Variants in FHIP1A observed in about 807,000 individuals in gnomAD.
FHIP1A encodes FHF complex subunit HOOK-interacting protein 1A.
A neutral mutation model predicts 88.6 loss-of-function variants in FHIP1A; 61 were observed. The observed-to-expected ratio is 0.69, with a 90% CI of 0.56 to 0.85. The LOEUF (loss-of-function observed/expected upper bound fraction) is 0.85. Ranked by LOEUF, FHIP1A falls within the 40% of genes least tolerant of loss-of-function variation. FHIP1A has a pLI of 0.00. For synonymous variants in FHIP1A, 478 were observed against 496.0 expected (o/e 0.96, Z 0.48); for missense variants, 1,154 against 1,273.5 (o/e 0.91, Z 1.43).
chr4:151,495,635 T>C (rs1730433620), intron 3 of FHIP1A, among the ~76,000 whole-genome samples: 1 of 150,430 alleles, frequency 6.6e-6, no homozygotes, highest in South Asian at 2.1e-4. Context: ...CTTTTTTTTT[T>C]TTTTTGAGAT....
intron 3 of FHIP1A, among the ~76,000 whole-genome samples, chr4:151,512,953 G>T (rs1033170107): frequency 2.5e-4 from 38 of 152,196 alleles, no homozygotes; most frequent in Non-Finnish European, 4.9e-4. Flanking sequence ...TACAGAGAAC[G>T]CCACAAAGAT....
intron 4 of FHIP1A, among the ~76,000 whole-genome samples, chr4:151,568,062 G>A (rs940927653): frequency 1.3e-5 from 2 of 152,172 alleles, no homozygotes; most frequent in African/African-American, 4.8e-5. Flanking sequence ...TGGGTCATCT[G>A]CCCTGTCAGA....
intron 3 of FHIP1A, among the ~76,000 whole-genome samples, chr4:151,538,348 A>C (rs533656954): frequency 6.6e-6 from 1 of 152,322 alleles, no homozygotes; most frequent in African/African-American, 2.4e-5. Flanking sequence ...TGCTTGGTAT[A>C]GGGCCTGGTA....
chr4:151,471,181 CATA>C (rs1240768228), intron 2 of FHIP1A, among the ~76,000 whole-genome samples: 1 of 151,930 alleles, frequency 6.6e-6, no homozygotes, highest in East Asian at 1.9e-4. Context: ...TTCTTGGAAA[CATA>C]ATAGATTCAA....
At chr4:151,604,221 A>G (rs1463843597) in intron 7 of FHIP1A, among the ~76,000 whole-genome samples, 1 of 151,134 alleles carries the variant, frequency 6.6e-6, no homozygotes, top group African/African-American at 2.4e-5. Flanking sequence ...TGGAGGTTCT[A>G]GTCTTCTCTG....
chr4:151,594,740 A>C (rs1734582641), intron 7 of FHIP1A, among the ~76,000 whole-genome samples: 1 of 151,784 alleles, frequency 6.6e-6, no homozygotes, highest in African/African-American at 2.4e-5. Flanking sequence ...CGCCTGGCTA[A>C]TTTTTTGTAT....
chr4:151,652,703 A>C (rs1347400598), intron 11 of FHIP1A, among the ~76,000 whole-genome samples: 1 of 152,234 alleles, frequency 6.6e-6, no homozygotes, highest in Non-Finnish European at 1.5e-5. Context: ...GAGGAGGGGC[A>C]TGGACAGTGC....
intron 1 of FHIP1A, among the ~76,000 whole-genome samples, chr4:151,444,070 T>C (rs1728506503): frequency 6.6e-6 from 1 of 152,126 alleles, no homozygotes; most frequent in South Asian, 2.1e-4. Flanking sequence ...GCAGATTGCC[T>C]CCTTGGTGGC....
intron 1 of FHIP1A, among the ~76,000 whole-genome samples, chr4:151,443,683 C>CTGTGTGTGTGTGTGTGTG (rs1491201547): frequency 3.8e-5 from 2 of 51,972 alleles, no homozygotes; most frequent in East Asian, 9.5e-4. Context: ...AAATGAAGCA[C>CTGTGTGTGTGTGTGTGTG]TCTGTGTGTG....
intron 1 of FHIP1A, among the ~76,000 whole-genome samples, chr4:151,439,733 T>G (rs1728337534): frequency 6.6e-6 from 1 of 152,208 alleles, no homozygotes; most frequent in African/African-American, 2.4e-5. Context: ...GGGTTATTCC[T>G]TTAGAATTTT....
intron 7 of FHIP1A, among the ~76,000 whole-genome samples, chr4:151,626,702 C>T (rs1215471664): frequency 6.6e-6 from 1 of 152,192 alleles, no homozygotes; most frequent in Non-Finnish European, 1.5e-5. Context: ...TAGCTACCTG[C>T]AATTCTTTAT....
intron 3 of FHIP1A, among the ~76,000 whole-genome samples, chr4:151,514,446 C>G (rs1327576992): frequency 6.6e-6 from 1 of 151,372 alleles, no homozygotes; most frequent in Non-Finnish European, 1.5e-5. Flanking sequence ...CAAGAAATAA[C>G]TAAAATCAGA....
At chr4:151,493,376 C>T (rs537062999) in intron 3 of FHIP1A, among the ~76,000 whole-genome samples, 8 of 152,116 alleles carry the variant, frequency 5.3e-5, no homozygotes, top group Non-Finnish European at 1.2e-4. Flanking sequence ...GATGGATTTA[C>T]AGCCGAATTC....
chr4:151,461,385 G>A (rs1013392838), intron 2 of FHIP1A, among the ~76,000 whole-genome samples: 1 of 152,150 alleles, frequency 6.6e-6, no homozygotes, highest in Non-Finnish European at 1.5e-5. Context: ...TAAGTGTGAG[G>A]TGAGGTATGG....
intron 3 of FHIP1A, among the ~76,000 whole-genome samples, chr4:151,484,729 G>T (rs1021856821): frequency 1.3e-5 from 2 of 152,206 alleles, no homozygotes; most frequent in East Asian, 3.8e-4. Context: ...TGTGTTCTCA[G>T]AACAGTGAGA....
At chr4:151,541,459 C>T (rs1732289875) in intron 3 of FHIP1A, among the ~76,000 whole-genome samples, 1 of 152,172 alleles carries the variant, frequency 6.6e-6, no homozygotes, top group Admixed American at 6.5e-5. Flanking sequence ...TCTTTTGAGA[C>T]TCATGTCTGT....
intron 7 of FHIP1A, among the ~76,000 whole-genome samples, chr4:151,605,543 A>G (rs1014512522): frequency 6.6e-6 from 1 of 152,224 alleles, no homozygotes; most frequent in Non-Finnish European, 1.5e-5. Flanking sequence ...AGAAGCAAAA[A>G]GTCTACCAGA....
chr4:151,455,647 G>T (rs1232476548), intron 2 of FHIP1A, among the ~76,000 whole-genome samples: 1 of 152,148 alleles, frequency 6.6e-6, no homozygotes, highest in Non-Finnish European at 1.5e-5. Flanking sequence ...CAGTGCTGTG[G>T]GTATTTTCTG....
chr4:151,499,549 A>T (rs942667430), intron 3 of FHIP1A, among the ~76,000 whole-genome samples: 2 of 152,240 alleles, frequency 1.3e-5, no homozygotes, highest in African/African-American at 4.8e-5. Flanking sequence ...CACACTGGCT[A>T]CAAAGTCCTT....
Sources: allele counts gnomAD v4.1 joint callset (sites outside exome capture counted in the v4.1 genomes callset), GRCh38; gene constraint gnomAD v4.1.1; transcripts MANE v1.5; gene names NCBI Gene and HGNC (gene_info 2026-07-23, HGNC 2026-07-21).